MAT2B: variants seen among roughly 807,000 people sequenced by gnomAD.
MAT2B encodes methionine adenosyltransferase 2 subunit beta.
In MAT2B, 16 loss-of-function variants were observed where a neutral mutation model predicts 36.1. That is an observed-to-expected ratio of 0.44 (90% confidence interval 0.30 to 0.67). The LOEUF (loss-of-function observed/expected upper bound fraction) is 0.67. Among genes scored for constraint, MAT2B ranks in the 30% least tolerant of loss-of-function variants. The pLI is 0.09. For synonymous variants in MAT2B, 148 were observed against 136.9 expected, an observed-to-expected ratio of 1.08 and a Z score of -0.57; for missense variants, 332 against 398.2, an observed-to-expected ratio of 0.83 and a Z score of 1.42.
intron 6 of MAT2B, 34 bp downstream of exon 6, chr5:163,517,708 T>C (rs766735648): frequency 1.8e-5 from 23 of 1,248,316 alleles, no homozygotes; most frequent in African/African-American, 7.3e-5. Flanking sequence ...TTTAGATCCA[T>C]TGCTATGGTA....
upstream of MAT2B, chr5:163,503,491 A>G: frequency 1.4e-6 from 2 of 1,412,234 alleles, no homozygotes; most frequent in South Asian, 2.3e-5. Flanking sequence ...CATTCCAGTG[A>G]ACGCCTGCTA....
At chr5:163,518,103 C>A in intron 6 of MAT2B, 90 bp from the exon 7 acceptor site, 4 of 849,292 alleles carry the variant, frequency 4.7e-6, no homozygotes, top group Non-Finnish European at 7.1e-6. Context: ...AAAATATATA[C>A]ATATTTAAAA....
Position 163,518,177 on chromosome 5 carries a change from T to G in MAT2B, c.835-16T>G, listed in dbSNP as rs745467695. 1 of 1,573,040 alleles carries G rather than the reference T, an allele frequency of 6.4e-7. No individual in the cohort carries two copies. Among genetic ancestry groups the G allele is most frequent in the Admixed American group, 2.0e-5 (1 of 51,054 alleles). Reference sequence around the variant, plus strand: ...TCACTTACTTTTGATTTTTTTGTGTTTATCTTTCTTTAAAGATTACTGACA... The same window carrying G: ...TCACTTACTTTTGATTTTTTTGTGTGTATCTTTCTTTAAAGATTACTGACA... On this transcript the variant is annotated splice_polypyrimidine_tract_variant and intron_variant, in intron 6 of 6. Coordinates refer to ENST00000321757, the MANE Select transcript of MAT2B (RefSeq NM_013283.5).
At chr5:163,513,489 TAAG>T in intron 2 of MAT2B, 63 bp from the exon 3 acceptor site, 1 of 851,750 alleles carries the variant, frequency 1.2e-6, no homozygotes, top group Non-Finnish European at 1.9e-6. Context: ...GAATTAACTT[TAAG>T]AAGGCTGTAA....
intron 4 of MAT2B, 78 bp downstream of exon 4, chr5:163,514,072 T>C (rs79186654): frequency 2.6e-5 from 31 of 1,172,642 alleles, no homozygotes; most frequent in Non-Finnish European, 3.3e-5. Context: ...ATATATGTTT[T>C]AAATTTAAAA....
chr5:163,510,949 C>T (rs533081363), intron 1 of MAT2B, among the ~76,000 whole-genome samples: 8 of 152,244 alleles, frequency 5.3e-5, no homozygotes, highest in South Asian at 2.1e-4. Context: ...GCAGATTTGA[C>T]GCAAATACTA....
chr5:163,510,126 G>T (rs557089338), intron 1 of MAT2B, among the ~76,000 whole-genome samples: 193 of 152,268 alleles, frequency 1.3e-3, no homozygotes, highest in African/African-American at 4.6e-3. Flanking sequence ...CCAGAATTAG[G>T]TGATTATAAC....
Position 163,511,922 on chromosome 5 carries a change from G to A in MAT2B, c.64-80G>A, listed in dbSNP as rs1222703738. On this transcript the variant is annotated intron_variant, in intron 1 of 6. Coordinates refer to ENST00000321757, the MANE Select transcript of MAT2B (RefSeq NM_013283.5). The stretch of plus-strand genomic sequence containing the variant: ...AAATACGTAGAATTAAGACATTTAG[G>A]GAACAACGATGGTGCCTAATATATT... 1.4e-5 allele frequency: 14 copies of A among 1,026,046 alleles called. No individual in the cohort carries two copies. In the East Asian group the frequency reaches 3.6e-4, roughly 26 times the overall value. The allele number at this position is 1,026,046 out of a possible 1,614,324, so 63.6% of individuals were successfully genotyped here. A position where few individuals can be genotyped will look rare whatever the true frequency, so the allele number is the denominator to read the frequency against.
At chr5:163,512,279 G>A in intron 2 of MAT2B, 83 bp downstream of exon 2, 1 of 1,208,116 alleles carries the variant, frequency 8.3e-7, no homozygotes, top group South Asian at 1.2e-5. Context: ...TGCTCTCAAG[G>A]AAATTACTAT....
At chr5:163,518,051 G>A in intron 6 of MAT2B, 142 bp from the exon 7 acceptor site, 1 of 583,018 alleles carries the variant, frequency 1.7e-6, no homozygotes. Flanking sequence ...CCAGGAATTT[G>A]AGACTAGCCT....
At chr5:163,516,389 T>A (rs1760133587) in intron 4 of MAT2B, 129 bp from the exon 5 acceptor site, 1 of 707,310 alleles carries the variant, frequency 1.4e-6, no homozygotes, top group Admixed American at 2.8e-5. Context: ...GTGAGCTGTG[T>A]CATTTTGGTA....
Position 163,517,606 on chromosome 5 carries a change from ATGAC to A in MAT2B, c.768_771del (p.Met256IlefsTer20). On this transcript the variant is annotated frameshift_variant, in exon 6 of 7. Transcript: ENST00000321757. LOFTEE classifies it high-confidence loss of function. ...CTTTCACTGGTCTGGCAATGAACAG[ATGAC>A]TAAGTATGAAATGGCATGTGCAATT... The A allele has an allele frequency of 1.2e-6, 2 of 1,613,910 alleles. No individual in the cohort carries two copies. The highest frequency in any genetic ancestry group is 1.7e-6 in the Non-Finnish European group (2 of 1,179,814).
chr5:163,505,948 GTTT>G (rs1306216978), intron 1 of MAT2B, among the ~76,000 whole-genome samples, 199 bp downstream of exon 1: 1 of 152,138 alleles, frequency 6.6e-6, no homozygotes, highest in South Asian at 2.1e-4. Context: ...ACGGGTCAGT[GTTT>G]TTTTCTTCCA....
chr5:163,511,220 C>A (rs1278740584), intron 1 of MAT2B, among the ~76,000 whole-genome samples: 1 of 151,936 alleles, frequency 6.6e-6, no homozygotes, highest in South Asian at 2.1e-4. Flanking sequence ...CCTTGCATAT[C>A]ATCTTGTGTT....
chr5:163,505,229 C>G (rs528015329), upstream of MAT2B, among the ~76,000 whole-genome samples: 8 of 151,918 alleles, frequency 5.3e-5, no homozygotes, highest in East Asian at 1.2e-3. Context: ...TCCGCCCCCG[C>G]CCCCATGACT....
At chr5:163,516,817 T>C in intron 5 of MAT2B, 106 bp downstream of exon 5, 1 of 1,261,488 alleles carries the variant, frequency 7.9e-7, no homozygotes, top group South Asian at 1.3e-5. Context: ...AAGCCAAAAG[T>C]GCTTTTTTAA....
chr5:163,505,100 T>A (rs1382273718), upstream of MAT2B, among the ~76,000 whole-genome samples: 1 of 152,140 alleles, frequency 6.6e-6, no homozygotes, highest in Non-Finnish European at 1.5e-5. Flanking sequence ...TTTTTAAGCA[T>A]CCCAGGAAGA....
chr5:163,504,017 A>T (rs1468569083), upstream of MAT2B, among the ~76,000 whole-genome samples: 3 of 152,200 alleles, frequency 2.0e-5, no homozygotes, highest in Non-Finnish European at 4.4e-5. Flanking sequence ...TCTGTTCCTC[A>T]AGACTAGGCT....
chr5:163,516,984 G>A (rs72808239), intron 5 of MAT2B: 56,318 of 555,106 alleles, frequency 0.1, 3,326 homozygotes, highest in South Asian at 0.16. Flanking sequence ...ATCATCTAAG[G>A]TCTTTTAAGA....
Sources: gnomAD v4.1 joint callset for allele counts (sites outside exome capture counted in the v4.1 genomes callset) on GRCh38, gnomAD v4.1.1 for gene constraint, MANE v1.5 for transcripts, NCBI Gene and HGNC (gene_info 2026-07-23, HGNC 2026-07-21) for gene names.